C9orf78: variants seen among roughly 807,000 people sequenced by gnomAD.
The protein encoded by C9orf78 is splicing factor C9orf78.
In C9orf78, 19 loss-of-function variants were observed where a neutral mutation model predicts 37.4. The observed-to-expected ratio is 0.51, with a 90% CI of 0.35 to 0.74. The LOEUF (loss-of-function observed/expected upper bound fraction) is 0.74, where lower values mean the gene tolerates loss of function less well. Ranked by LOEUF, C9orf78 falls within the 30% of genes least tolerant of loss-of-function variation. C9orf78 has a pLI of 0.01. For synonymous variants in C9orf78, 130 were observed against 128.0 expected (o/e 1.02, Z -0.10); for missense variants, 291 against 370.8 (o/e 0.78, Z 1.77).
At position 129,830,822 on chromosome 9, in the gene C9orf78, CT is replaced by C. The variant is rs762531973; in HGVS notation, c.542+48del. 4 of 1,377,782 alleles carry C rather than the reference CT, an allele frequency of 2.9e-6. No homozygotes were observed. In the South Asian group the frequency reaches 3.5e-5, roughly 12 times the overall value. 85.3% of individuals were successfully genotyped at this position (1,377,782 alleles called of 1,614,324 possible). On this transcript the variant is annotated intron_variant, in intron 6 of 8. Coordinates refer to ENST00000372447, the MANE Select transcript of C9orf78 (RefSeq NM_016520.3). ...ACCGTGCCTGGCCTGTCCCCCATAA[CT>C]TTTAACTGGAAAGCACTGTGTCTTC...
At chr9:129,834,277 AAC>A (rs1156267077) in intron 2 of C9orf78, 1 of 184,252 alleles carries the variant, frequency 5.4e-6, no homozygotes, top group African/African-American at 2.4e-5. Context: ...GACGAAAAAA[AAC>A]AGATTGGAAA....
chr9:129,835,019 G>C, intron 1 of C9orf78, 120 bp downstream of exon 1: 1 of 872,312 alleles, frequency 1.1e-6, no homozygotes, highest in Non-Finnish European at 1.9e-6. Flanking sequence ...TTCTGCGTCC[G>C]CAGAAGGAAC....
intron 8 of C9orf78, chr9:129,828,780 G>C (rs1025427451): frequency 2.0e-5 from 6 of 301,310 alleles, no homozygotes; most frequent in Non-Finnish European, 3.9e-5. Context: ...ACGCAGGCTA[G>C]AGTGCAGTGG....
rs955845977 is a variant in C9orf78 at position 129,830,951 on chromosome 9, AC to A, written c.461del (p.Arg154LeufsTer17). On this transcript the variant is annotated frameshift_variant, in exon 6 of 9. Transcript: ENST00000372447. LOFTEE classifies it high-confidence loss of function. ...DCLYELPENI[R>X]VSSAKKTEEM... ...CCTCGGTCTTCTTTGCTGAGGAAACACGGATGTTTTCTGGAAGTTCATAAAG... is the reference window on the plus strand; with the variant it reads ...CCTCGGTCTTCTTTGCTGAGGAAACAGGATGTTTTCTGGAAGTTCATAAAG... 1.2e-6 allele frequency: 2 copies of A among 1,613,684 alleles called. No homozygotes were observed. Among genetic ancestry groups the A allele is most frequent in the Non-Finnish European group, 1.7e-6 (2 of 1,179,672 alleles).
chr9:129,831,643 C>T (rs751228867), intron 5 of C9orf78: 81 of 414,052 alleles, frequency 2.0e-4, no homozygotes, highest in Non-Finnish European at 3.3e-4. Flanking sequence ...AGTCTGGTCT[C>T]GAACTCCCCA....
chr9:129,830,851 C>T lies in C9orf78; in HGVS notation c.542+20G>A, dbSNP rs1188325965. 2 of 1,568,330 alleles carry T rather than the reference C, an allele frequency of 1.3e-6. No individual in the cohort carries two copies. Among genetic ancestry groups the T allele is most frequent in the East Asian group, 4.5e-5 (2 of 44,600 alleles). On this transcript the variant is annotated intron_variant, in intron 6 of 8. Coordinates refer to ENST00000372447, the MANE Select transcript of C9orf78 (RefSeq NM_016520.3). ...TAACTGGAAAGCACTGTGTCTTCTG[C>T]CTAGGGGTCTCAAACATACTCGATG...
In C9orf78 at chr9:129,832,729, G is replaced by A. The variant is rs534507865; in HGVS notation, c.266+718C>T. On this transcript the variant is annotated intron_variant, in intron 4 of 8. Coordinates refer to ENST00000372447, the MANE Select transcript of C9orf78 (RefSeq NM_016520.3). ...GCTGGCATTACAGGCATGAGCCACC[G>A]CAGCTGGCCTGAATTTATTATTTTT... 3.3e-5 allele frequency among the ~76,000 whole-genome samples: 5 copies of A among 152,238 alleles called. No individual in the cohort carries two copies. The South Asian group carries it at 6.2e-4, about 19-fold the overall frequency.
intron 1 of C9orf78, 129 bp downstream of exon 1, chr9:129,835,010 T>C: frequency 9.7e-6 from 8 of 822,128 alleles, no homozygotes; most frequent in Non-Finnish European, 1.6e-5. Flanking sequence ...AGCCTCAATT[T>C]CTGCGTCCGC....
intron 3 of C9orf78, 67 bp downstream of exon 3, chr9:129,833,591 G>T: frequency 7.0e-7 from 1 of 1,438,112 alleles, no homozygotes; most frequent in Non-Finnish European, 9.8e-7. Context: ...TGTGAAGCAC[G>T]CTCACTCACT....
At chr9:129,828,431 T>C (rs962503782) in intron 8 of C9orf78, 179 bp from the exon 9 acceptor site, 3 of 460,330 alleles carry the variant, frequency 6.5e-6, no homozygotes, top group East Asian at 4.2e-5. Flanking sequence ...TTCTTTTCTT[T>C]TCTTTTTTTT....
chr9:129,829,547 G>C lies in C9orf78; in HGVS notation c.543-6C>G. The C allele has an allele frequency of 6.2e-7, 1 of 1,612,098 alleles. No individual in the cohort carries two copies. Among genetic ancestry groups the C allele is most frequent in the Non-Finnish European group, 8.5e-7 (1 of 1,178,652 alleles). On this transcript the variant is annotated splice_region_variant and splice_polypyrimidine_tract_variant and intron_variant, in intron 6 of 8. Coordinates refer to ENST00000372447, the MANE Select transcript of C9orf78 (RefSeq NM_016520.3). ...TGATATTTTTTATTTTAGCACTATG[G>C]AGAGAAAGAAACCACACCACTTAGA... is the stretch of plus-strand genomic sequence containing the variant.
In C9orf78 at chr9:129,831,938, G is replaced by T. The variant is rs770685876; in HGVS notation, c.302C>A (p.Ser101Ter). 1 of 1,590,950 alleles carries T rather than the reference G, an allele frequency of 6.3e-7. No homozygotes were observed. The highest frequency in any genetic ancestry group is 8.6e-7 in the Non-Finnish European group (1 of 1,159,046). The change falls in exon 5 of 9, where the codon TCG becomes TAG. Residue 101 changes from serine to a stop codon, truncating the protein, a stop_gained. Transcript: ENST00000372447. LOFTEE classifies it high-confidence loss of function. ...SEEEDLHLGT[S>*]FSAETNRRDE... The stretch of plus-strand genomic sequence containing the variant: ...CCTTCGGTTGGTTTCTGCAGAAAAC[G>T]ATGTCCCCAGGTGCAGGTCCTCCTC...
chr9:129,828,836 T>C, intron 8 of C9orf78: 1 of 364,676 alleles, frequency 2.7e-6, no homozygotes. Flanking sequence ...TCTCAAGCAA[T>C]CCTCCTGTCC....
chr9:129,834,813 C>T, intron 1 of C9orf78, 47 bp from the exon 2 acceptor site: 1 of 1,449,172 alleles, frequency 6.9e-7, no homozygotes, highest in Non-Finnish European at 9.7e-7. Context: ...AGTGATTCCC[C>T]GCGGAATCCA....
rs769582785 is a variant in C9orf78 at position 129,834,776 on chromosome 9, G to C, written c.84-10C>G. The C allele has an allele frequency of 1.9e-6, 3 of 1,597,724 alleles. No individual in the cohort carries two copies. The highest frequency in any genetic ancestry group is 1.7e-5 in the Admixed American group (1 of 59,910). ...CTCTTCCAGTTTTAATCTTTAAAAA[G>C]AAGAAGAAGCAGCAATGCATAAGCT... is the stretch of plus-strand genomic sequence containing the variant. On this transcript the variant is annotated splice_polypyrimidine_tract_variant and intron_variant, in intron 1 of 8. Coordinates refer to ENST00000372447, the MANE Select transcript of C9orf78 (RefSeq NM_016520.3).
In C9orf78 at chr9:129,831,132, T is replaced by C. The variant is rs529761877; in HGVS notation, c.345-64A>G. ...AAACACACACCAGGTGTCCTCTAAATCAGTGGTCCCCAACACTGGCCCGCA... is the reference window on the plus strand; with the variant it reads ...AAACACACACCAGGTGTCCTCTAAACCAGTGGTCCCCAACACTGGCCCGCA... On this transcript the variant is annotated intron_variant, in intron 5 of 8. Coordinates refer to ENST00000372447, the MANE Select transcript of C9orf78 (RefSeq NM_016520.3). The C allele has an allele frequency of 3.0e-6, 3 of 1,003,186 alleles. No homozygotes were observed. In the African/African-American group the frequency reaches 4.8e-5, roughly 16 times the overall value. 62.1% of individuals were successfully genotyped at this position (1,003,186 alleles called of 1,614,324 possible). A position where few individuals can be genotyped will look rare whatever the true frequency, so the allele number is the denominator to read the frequency against.
chr9:129,829,371 G>A, intron 7 of C9orf78, 34 bp downstream of exon 7: 1 of 1,606,644 alleles, frequency 6.2e-7, no homozygotes, highest in Non-Finnish European at 8.5e-7. Context: ...CCAAATAGGG[G>A]AATGGGGGCA....
intron 5 of C9orf78, chr9:129,831,613 G>C: frequency 3.1e-6 from 1 of 322,626 alleles, no homozygotes; most frequent in Non-Finnish European, 5.8e-6. Flanking sequence ...CAGTAGGGAC[G>C]GGGTTTCTCC....
chr9:129,829,860 C>T lies in C9orf78; in HGVS notation c.543-319G>A, dbSNP rs557587416. 50 of 230,800 alleles carry T rather than the reference C, an allele frequency of 2.2e-4. No homozygotes were observed. The South Asian group carries it at 5.0e-3, about 23-fold the overall frequency. The allele number at this position is 230,800 out of a possible 1,614,324, so 14.3% of individuals were successfully genotyped here. The stretch of plus-strand genomic sequence containing the variant: ...CTACTGTACCAGAAGATTATTCTAA[C>T]AATTGTACCTCTTCCATAACAATTC... On this transcript the variant is annotated intron_variant, in intron 6 of 8. Transcript: ENST00000372447.
Sources: allele counts gnomAD v4.1 joint callset (sites outside exome capture counted in the v4.1 genomes callset), GRCh38; gene constraint gnomAD v4.1.1; transcripts MANE v1.5; gene names NCBI Gene and HGNC (gene_info 2026-07-23, HGNC 2026-07-21).